Variants in RFX8 observed in about 807,000 individuals in gnomAD.
The protein encoded by RFX8 is regulatory factor X8.
RFX8 carries 46 observed loss-of-function variants against 54.6 expected under a neutral mutation model. That is an observed-to-expected ratio of 0.84 (90% CI 0.67 to 1.08). The LOEUF is 1.08. RFX8 is among the 50% of genes least tolerant of loss of function. The pLI is 0.00. For synonymous variants in RFX8, 192 were observed against 209.5 expected, an observed-to-expected ratio of 0.92 and a Z score of 0.72; for missense variants, 536 against 562.3, an observed-to-expected ratio of 0.95 and a Z score of 0.47.
At chr2:101,468,978 GTATATA>G (rs1241966072) in intron 1 of RFX8, among the ~76,000 whole-genome samples, 1 of 128,236 alleles carries the variant, frequency 7.8e-6, no homozygotes, top group African/African-American at 3.0e-5. Context: ...ATATATGTAA[GTATATA>G]TATATAAGTA....
intron 5 of RFX8, 116 bp downstream of exon 5, chr2:101,418,735 A>G (rs58872878): frequency 1.1e-5 from 8 of 710,176 alleles, no homozygotes. Context: ...ACACCCCACT[A>G]TTCACTCCTC....
rs1688440392 is a variant in RFX8, at chr2:101,447,272, A to ATTT, written c.72+19504_72+19505insAAA. Among the ~76,000 whole-genome samples, 4 of 151,950 alleles carry ATTT rather than the reference A, an allele frequency of 2.6e-5. No individual in the cohort carries two copies. The South Asian group carries it at 6.2e-4, about 24-fold the overall frequency. On this transcript the variant is annotated intron_variant, in intron 2 of 11. Coordinates refer to ENST00000428343, the MANE Select transcript of RFX8 (RefSeq NM_001145664.2). Reference sequence around the variant, plus strand: ...CTCATCACCCTCTCCTTTCCCAACTATTCTTAAACCGCAAGGCTGAATTTT... The same window carrying ATTT: ...CTCATCACCCTCTCCTTTCCCAACTATTTTTCTTAAACCGCAAGGCTGAATTTT...
chr2:101,436,600 G>A (rs1358295819), intron 2 of RFX8, among the ~76,000 whole-genome samples: 1 of 133,408 alleles, frequency 7.5e-6, no homozygotes, highest in Non-Finnish European at 1.6e-5. Context: ...CACACATAGA[G>A]AAATGGCTGC....
At chr2:101,434,554 G>C (rs1299648651) in intron 2 of RFX8, among the ~76,000 whole-genome samples, 2 of 146,232 alleles carry the variant, frequency 1.4e-5, no homozygotes, top group African/African-American at 5.0e-5. Flanking sequence ...TGCAACAGAC[G>C]TTGCATTGCA....
At chr2:101,413,115 T>G in intron 7 of RFX8, 44 bp from the exon 8 acceptor site, 5 of 1,511,364 alleles carry the variant, frequency 3.3e-6, no homozygotes, top group Non-Finnish European at 2.7e-6. Flanking sequence ...AATCTGGTCA[T>G]TTTATTTTTG....
intron 2 of RFX8, among the ~76,000 whole-genome samples, chr2:101,443,335 G>A (rs12712101): frequency 0.42 from 63,342 of 152,066 alleles, 15,252 homozygotes; most frequent in Non-Finnish European, 0.52. Context: ...GGTTCATCTT[G>A]TCCCAACCAG....
rs1177611946 is a variant in RFX8, at chr2:101,421,755, T to C, written c.206A>G (p.Tyr69Cys). ...CNMMAFLADE[Y>C]CNYCRDILRN... is the part of the protein sequence containing the mutation. ...TAAAATGTCTCGACAATAGTTGCAG[T>C]ATTCGTCAGCAAGGAAGGCCATCTA... Residue 69 changes from tyrosine (Y) to cysteine (C), a missense_variant, in exon 4 of 12, where the codon TAC becomes TGC. Tyr to Cys is a radical substitution (Grantham distance 194). Transcript: ENST00000428343. 1.2e-5 allele frequency: 19 copies of C among 1,550,512 alleles called. No homozygotes were observed. The highest frequency in any genetic ancestry group is 1.7e-5 in the Non-Finnish European group (19 of 1,146,370).
chr2:101,455,251 G>A (rs529211138), intron 2 of RFX8, among the ~76,000 whole-genome samples: 2 of 152,096 alleles, frequency 1.3e-5, no homozygotes, highest in East Asian at 3.9e-4. Context: ...GACCTCAGAC[G>A]ATCCACCCAC....
intron 1 of RFX8, among the ~76,000 whole-genome samples, chr2:101,469,044 AT>A (rs1689767070): frequency 2.1e-5 from 1 of 47,732 alleles, no homozygotes; most frequent in African/African-American, 7.3e-5. Flanking sequence ...ATATATATGT[AT>A]ATATATATAC....
At chr2:101,441,861 C>G (rs1558872814) in intron 2 of RFX8, among the ~76,000 whole-genome samples, 2 of 152,244 alleles carry the variant, frequency 1.3e-5, no homozygotes, top group East Asian at 3.9e-4. Flanking sequence ...CTCTGCCAGT[C>G]TTGTCTTTTG....
chr2:101,429,318 C>T (rs1047902229), intron 2 of RFX8, among the ~76,000 whole-genome samples: 10 of 152,182 alleles, frequency 6.6e-5, no homozygotes, highest in East Asian at 1.9e-4. Context: ...TCATCATGAA[C>T]GTGAATTCTT....
intron 2 of RFX8, among the ~76,000 whole-genome samples, chr2:101,460,233 C>A (rs1282390509): frequency 6.6e-6 from 1 of 152,064 alleles, no homozygotes; most frequent in African/African-American, 2.4e-5. Context: ...CTTCAGCTTG[C>A]CCTCGGTGGG....
At chr2:101,467,601 G>A (rs1464245764) in intron 1 of RFX8, among the ~76,000 whole-genome samples, 2 of 152,194 alleles carry the variant, frequency 1.3e-5, no homozygotes, top group Non-Finnish European at 2.9e-5. Flanking sequence ...GCCTGTGAAC[G>A]CACCTGCAGT....
intron 2 of RFX8, among the ~76,000 whole-genome samples, chr2:101,442,620 T>G (rs778335704): frequency 1.3e-5 from 2 of 152,198 alleles, no homozygotes; most frequent in Non-Finnish European, 2.9e-5. Context: ...ATCACTGTTA[T>G]AGGTAATGTG....
At position 101,474,657 on chromosome 2, in the gene RFX8, G is replaced by T; in HGVS notation, c.-74C>A. The stretch of plus-strand genomic sequence containing the variant: ...TTACACCTTTTCCAATCTGGTCGCG[G>T]TGTTGAGTCCGTGGGTGTCCTTGAC... On this transcript the variant is annotated 5_prime_UTR_variant, in exon 1 of 12. Coordinates refer to ENST00000428343, the MANE Select transcript of RFX8 (RefSeq NM_001145664.2). 1 of 176,002 alleles carries T rather than the reference G, an allele frequency of 5.7e-6. No individual in the cohort carries two copies. Among genetic ancestry groups the T allele is most frequent in the Non-Finnish European group, 1.2e-5 (1 of 83,788 alleles). 10.9% of individuals were successfully genotyped at this position (176,002 alleles called of 1,614,324 possible). A position where few individuals can be genotyped will look rare whatever the true frequency, so the allele number is the denominator to read the frequency against.
intron 7 of RFX8, among the ~76,000 whole-genome samples, chr2:101,413,366 C>G (rs1419763134): frequency 6.6e-6 from 1 of 152,132 alleles, no homozygotes; most frequent in Non-Finnish European, 1.5e-5. Context: ...ATGACTCTAG[C>G]GAGGGATCCC....
chr2:101,451,836 G>A (rs758886339), intron 2 of RFX8, among the ~76,000 whole-genome samples: 4 of 152,170 alleles, frequency 2.6e-5, no homozygotes, highest in South Asian at 2.1e-4. Context: ...GCTCACGCCC[G>A]TAATCCCAGT....
intron 2 of RFX8, among the ~76,000 whole-genome samples, chr2:101,451,584 G>A (rs775841834): frequency 2.0e-5 from 3 of 151,602 alleles, no homozygotes; most frequent in Non-Finnish European, 4.4e-5. Context: ...AGCTACTCGG[G>A]AGGCTGAGGC....
intron 2 of RFX8, among the ~76,000 whole-genome samples, chr2:101,459,470 C>T (rs930047968): frequency 6.6e-6 from 1 of 152,152 alleles, no homozygotes; most frequent in Non-Finnish European, 1.5e-5. Flanking sequence ...ACAGTCAGGC[C>T]CCTCAGCTGC....
Sources: allele counts gnomAD v4.1 joint callset (sites outside exome capture counted in the v4.1 genomes callset), GRCh38; gene constraint gnomAD v4.1.1; transcripts MANE v1.5; gene names NCBI Gene and HGNC (gene_info 2026-07-23, HGNC 2026-07-21).